Variants in UBL7 observed in about 807,000 individuals in gnomAD.
UBL7 encodes the protein ubiquitin-like protein 7.
UBL7 carries 21 observed loss-of-function variants against 41.7 expected under a neutral mutation model. That is an observed-to-expected ratio of 0.50 (90% CI 0.36 to 0.73). The LOEUF is 0.73. Among genes scored for constraint, UBL7 ranks in the 30% least tolerant of loss-of-function variants. The pLI, the probability that UBL7 is intolerant of heterozygous loss-of-function variation, is 0.00. For synonymous variants in UBL7, 157 were observed against 186.9 expected, an observed-to-expected ratio of 0.84 and a Z score of 1.31; for missense variants, 403 against 478.4, an observed-to-expected ratio of 0.84 and a Z score of 1.47.
At position 74,451,448 on chromosome 15, in the gene UBL7, G is replaced by C. The variant is rs762195909; in HGVS notation, c.460C>G (p.Pro154Ala). The change falls in exon 5 of 11, where the codon CCT becomes GCT. Residue 154 changes from proline to alanine, a missense_variant. Coordinates refer to ENST00000395081, the MANE Select transcript of UBL7 (RefSeq NM_032907.5). Reference sequence around the variant, plus strand: ...GTCCTGCACTTACCAAGAGCAATAGGGTCACTGCTGAGGCCTGGGGTGGCC... The same window carrying C: ...GTCCTGCACTTACCAAGAGCAATAGCGTCACTGCTGAGGCCTGGGGTGGCC... The part of the protein sequence containing the change: ...IVATPGLSSD[P>A]IALGVLQDKD... The C allele has an allele frequency of 1.2e-6, 2 of 1,613,994 alleles. No individual in the cohort carries two copies. The highest frequency in any genetic ancestry group is 1.1e-5 in the South Asian group (1 of 91,074).
At chr15:74,460,831 G>A in intron 1 of UBL7, 1 of 1,225,648 alleles carries the variant, frequency 8.2e-7, no homozygotes, top group Non-Finnish European at 1.0e-6. Flanking sequence ...AGACCTTCAA[G>A]CATCCTCAAG....
At chr15:74,452,268 C>T in intron 4 of UBL7, 28 bp downstream of exon 4, 2 of 1,549,284 alleles carry the variant, frequency 1.3e-6, no homozygotes, top group Non-Finnish European at 1.7e-6. Context: ...TCCTACAGTC[C>T]TGGCTGGGGG....
intron 3 of UBL7, 59 bp from the exon 4 acceptor site, chr15:74,452,437 A>T: frequency 6.7e-7 from 1 of 1,498,544 alleles, no homozygotes; most frequent in East Asian, 2.5e-5. Context: ...TGCCACAGAC[A>T]TGGCAACATC....
rs1369547927 is a variant in UBL7, at chr15:74,461,134, A to T, written c.-127T>A. 1.0e-6 allele frequency: 1 copy of T among 997,406 alleles called. No individual in the cohort carries two copies. Among genetic ancestry groups the T allele is most frequent in the Non-Finnish European group, 1.2e-6 (1 of 835,908 alleles). 61.8% of individuals were successfully genotyped at this position (997,406 alleles called of 1,614,324 possible). A position where few individuals can be genotyped will look rare whatever the true frequency, so the allele number is the denominator to read the frequency against. ...CGTCCCGCGGAAGGAACCCGGCCGC[A>T]CTGCCGCCGGTGTAAACACTCACTC... is the stretch of plus-strand genomic sequence containing the variant. On this transcript the variant is annotated 5_prime_UTR_variant, in exon 1 of 11. Transcript: ENST00000395081.
chr15:74,453,878 G>A (rs916426210), intron 3 of UBL7, among the ~76,000 whole-genome samples: 29 of 152,326 alleles, frequency 1.9e-4, no homozygotes, highest in African/African-American at 6.5e-4. Flanking sequence ...AAAGTTTATT[G>A]TAACCTTCCA....
intron 10 of UBL7, among the ~76,000 whole-genome samples, chr15:74,448,054 C>T (rs1262074324): frequency 6.6e-6 from 1 of 152,196 alleles, no homozygotes; most frequent in African/African-American, 2.4e-5. Flanking sequence ...TGACCTAGGC[C>T]CTTACTTCAA....
chr15:74,456,146 A>T (rs1176970301), intron 3 of UBL7, among the ~76,000 whole-genome samples: 1 of 151,348 alleles, frequency 6.6e-6, no homozygotes, highest in Non-Finnish European at 1.5e-5. Context: ...AAAAAAAAAA[A>T]AATTAGCTGG....
chr15:74,448,586 C>A lies in UBL7; in HGVS notation c.897G>T (p.Gly299=). The A allele has an allele frequency of 6.2e-7, 1 of 1,613,972 alleles. No homozygotes were observed. The change falls in exon 10 of 11, where the codon GGG becomes GGT. Residue 299 remains glycine, a synonymous_variant. Transcript: ENST00000395081. ...GGACACCAGAGGACATTGGTGAGGT[C>A]CCTGAGGAATGACCCTAGAGACAAA... ...PTPGTQGHSS[G]TSPMSSGVQS... is the part of the protein sequence containing the mutation.
chr15:74,449,631 G>A lies in UBL7; in HGVS notation c.709C>T (p.His237Tyr), dbSNP rs1160126909. 2 of 1,613,998 alleles carry A rather than the reference G, an allele frequency of 1.2e-6. No homozygotes were observed. Among genetic ancestry groups the A allele is most frequent in the African/African-American group, 2.7e-5 (2 of 74,898 alleles). The change falls in exon 8 of 11, where the codon CAC becomes TAC. Residue 237 changes from histidine (H) to tyrosine (Y), a missense_variant. Physicochemically the swap from His to Tyr is moderately conservative, Grantham distance 83. Transcript: ENST00000395081. ...CAGGCAGGCAGGCCACTTACTGGGT[G>A]AAAGTCATCCTCATCATCTGAGAGC... ...EGLSDDEDDF[H>Y]PNTRSTPSSS...
chr15:74,452,920 C>T (rs12440645), intron 3 of UBL7, among the ~76,000 whole-genome samples: 37,159 of 152,052 alleles, frequency 0.24, 6,023 homozygotes, highest in East Asian at 0.54. Context: ...CCATATTGGT[C>T]AGGCTGGTCT....
At chr15:74,460,094 T>A (rs985239302) in intron 1 of UBL7, among the ~76,000 whole-genome samples, 2 of 151,688 alleles carry the variant, frequency 1.3e-5, no homozygotes, top group Admixed American at 6.6e-5. Flanking sequence ...TAGAAAAAAT[T>A]TGCAGGGCGT....
intron 1 of UBL7, chr15:74,460,830 A>G (rs1450043987): frequency 8.2e-6 from 10 of 1,226,590 alleles, no homozygotes. Context: ...CAGACCTTCA[A>G]GCATCCTCAA....
In UBL7 at chr15:74,446,152, G is replaced by A. The variant is rs1567085663; in HGVS notation, c.1081C>T (p.Gln361Ter). The change falls in exon 11 of 11, where the codon CAG becomes TAG. Residue 361 changes from glutamine (Q) to a stop codon, truncating the protein, a stop_gained. Transcript: ENST00000395081. LOFTEE classifies it high-confidence loss of function. This position sits in a 1 kb window ranked among gnomAD's most constrained non-coding sequence, Gnocchi z 4.1. The part of the protein sequence containing the change: ...QDDELSLRAL[Q>*]ATGGDIQAAL... ...GCTTGGATGTCCCCACCGGTGGCCT[G>A]CAGGGCCCGCAGGCTCAGCTCATCG... 7 of 1,614,036 alleles carry A rather than the reference G, an allele frequency of 4.3e-6. No individual in the cohort carries two copies. Among genetic ancestry groups the A allele is most frequent in the Non-Finnish European group, 5.9e-6 (7 of 1,179,994 alleles).
chr15:74,449,601 TCAGG>T (rs750692697), intron 8 of UBL7, 21 bp downstream of exon 8: 2 of 1,613,748 alleles, frequency 1.2e-6, no homozygotes, highest in African/African-American at 1.3e-5. Context: ...TGTCAGCATG[TCAGG>T]CAGGCAGGCA....
intron 1 of UBL7, chr15:74,460,529 C>T (rs2061338733): frequency 2.3e-6 from 1 of 439,802 alleles, no homozygotes; most frequent in African/African-American, 2.4e-5. Context: ...TAACCTCAGT[C>T]CCCTCTCTTT....
In UBL7 at chr15:74,446,321, G is replaced by A; in HGVS notation, c.1006-94C>T. On this transcript the variant is annotated intron_variant, in intron 10 of 10. Coordinates refer to ENST00000395081, the MANE Select transcript of UBL7 (RefSeq NM_032907.5). The surrounding 1 kb of genome is among the most constrained non-coding windows in gnomAD (Gnocchi z 4.1). ...TTTCCGGGGAAGGAAAGGAAGATGG[G>A]GGAGTCCTCAGCAAAGCTGCTGATG... The A allele has an allele frequency of 6.6e-7, 1 of 1,525,380 alleles. No individual in the cohort carries two copies. Among genetic ancestry groups the A allele is most frequent in the Non-Finnish European group, 8.9e-7 (1 of 1,125,688 alleles). The allele number at this position is 1,525,380 out of a possible 1,614,324, so 94.5% of individuals were successfully genotyped here.
chr15:74,452,587 G>GT (rs2061260614), intron 3 of UBL7, among the ~76,000 whole-genome samples: 1 of 152,166 alleles, frequency 6.6e-6, no homozygotes, highest in Non-Finnish European at 1.5e-5. Flanking sequence ...ACATTCACTT[G>GT]TAAGCATCTT....
chr15:74,450,011 C>T lies in UBL7; in HGVS notation c.589G>A (p.Ala197Thr). The T allele has an allele frequency of 6.2e-7, 1 of 1,613,698 alleles. No homozygotes were observed. Among genetic ancestry groups the T allele is most frequent in the Non-Finnish European group, 8.5e-7 (1 of 1,179,832 alleles). ...NAIVLVLHSV[A>T]GSAPMPGTDS... ...GTCCCAGGCATTGGGGCACTGCCTG[C>T]TACGGAGTGCAGAACCAGGACAATG... is the stretch of plus-strand genomic sequence containing the variant. The change falls in exon 7 of 11, where the codon GCA becomes ACA. Residue 197 changes from alanine to threonine, a missense_variant. Coordinates refer to ENST00000395081, the MANE Select transcript of UBL7 (RefSeq NM_032907.5).
chr15:74,449,722 G>A, intron 7 of UBL7, 47 bp from the exon 8 acceptor site: 1 of 1,611,582 alleles, frequency 6.2e-7, no homozygotes, highest in Non-Finnish European at 8.5e-7. Flanking sequence ...GAAAGGCACA[G>A]GCGCAGCTCC....
Sources: gnomAD v4.1 joint callset for allele counts (sites outside exome capture counted in the v4.1 genomes callset) on GRCh38, gnomAD v4.1.1 for gene constraint, Gnocchi (gnomAD v3.1) non-coding constraint, MANE v1.5 for transcripts, NCBI Gene and HGNC (gene_info 2026-07-23, HGNC 2026-07-21) for gene names.